The following MGMT variants were observed in gnomAD, a reference collection of about 807,000 sequenced individuals.
MGMT encodes methylated-DNA--protein-cysteine methyltransferase.
A neutral mutation model predicts 15.9 loss-of-function variants in MGMT; 14 were observed. The observed-to-expected ratio is 0.88, with a 90% CI of 0.58 to 1.37. MGMT has a LOEUF of 1.37. Ranked by LOEUF, MGMT falls within the 40% of genes most tolerant of loss-of-function variation. MGMT has a pLI of 0.00. For missense variants in MGMT, 282 were observed against 268.1 expected, an observed-to-expected ratio of 1.05 and a Z score of -0.36; for synonymous variants, 130 against 118.2, an observed-to-expected ratio of 1.10 and a Z score of -0.65.
chr10:129,683,257 G>C (rs944792288), intron 2 of MGMT, among the ~76,000 whole-genome samples: 2 of 152,220 alleles, frequency 1.3e-5, no homozygotes, highest in African/African-American at 4.8e-5. Flanking sequence ...CTGCGTAGGA[G>C]TACGGGGGCA....
chr10:129,543,394 A>G (rs1846065984), intron 2 of MGMT, among the ~76,000 whole-genome samples: 1 of 152,146 alleles, frequency 6.6e-6, no homozygotes, highest in South Asian at 2.1e-4. Context: ...TCTCTACAGC[A>G]CTGCGGAGAA....
intron 1 of MGMT, among the ~76,000 whole-genome samples, chr10:129,528,514 G>A (rs1845894680): frequency 6.6e-6 from 1 of 152,092 alleles, no homozygotes; most frequent in African/African-American, 2.4e-5. Context: ...GAGGGGCAGT[G>A]GCGGGGGGAG....
chr10:129,643,015 G>A (rs1489460967), intron 2 of MGMT, among the ~76,000 whole-genome samples: 2 of 152,204 alleles, frequency 1.3e-5, no homozygotes, highest in Admixed American at 6.5e-5. Flanking sequence ...AAGGCTGGGC[G>A]AGCGAATGTG....
At chr10:129,719,727 C>T (rs1371777814) in intron 3 of MGMT, among the ~76,000 whole-genome samples, 2 of 152,136 alleles carry the variant, frequency 1.3e-5, no homozygotes, top group African/African-American at 2.4e-5. Context: ...TCTGCTGATA[C>T]AGTTGAAATG....
chr10:129,752,526 C>A (rs1293777218), intron 3 of MGMT, among the ~76,000 whole-genome samples: 2 of 151,724 alleles, frequency 1.3e-5, no homozygotes, highest in African/African-American at 4.8e-5. Flanking sequence ...TTTGTGCCCT[C>A]TTTTTTTCCT....
chr10:129,733,355 A>T (rs61874351), intron 3 of MGMT, among the ~76,000 whole-genome samples: 63 of 152,096 alleles, frequency 4.1e-4, no homozygotes, highest in African/African-American at 1.3e-3. Flanking sequence ...ATAAATGTCT[A>T]CTTTTGAGAA....
chr10:129,691,882 A>G (rs1358001864), intron 2 of MGMT, among the ~76,000 whole-genome samples: 18 of 152,282 alleles, frequency 1.2e-4, no homozygotes, highest in East Asian at 3.9e-4. Flanking sequence ...CTCAGGTGCT[A>G]AAGTTAAAGC....
At chr10:129,509,648 G>A (rs976661324) in intron 1 of MGMT, among the ~76,000 whole-genome samples, 1 of 152,182 alleles carries the variant, frequency 6.6e-6, no homozygotes, top group Non-Finnish European at 1.5e-5. Flanking sequence ...TTAACCAGAG[G>A]TGACTTTAGA....
intron 2 of MGMT, among the ~76,000 whole-genome samples, chr10:129,692,539 T>C (rs150695589): frequency 1.7e-3 from 262 of 152,314 alleles, no homozygotes; most frequent in African/African-American, 6.0e-3. Context: ...GGAGGCATGT[T>C]GACTATGGAC....
At chr10:129,667,095 A>C (rs1847667491) in intron 2 of MGMT, among the ~76,000 whole-genome samples, 1 of 152,166 alleles carries the variant, frequency 6.6e-6, no homozygotes, top group Non-Finnish European at 1.5e-5. Context: ...TTTTGTTATA[A>C]AGATAATACA....
intron 3 of MGMT, among the ~76,000 whole-genome samples, chr10:129,752,493 A>C (rs1848760211): frequency 1.3e-5 from 2 of 151,828 alleles, no homozygotes; most frequent in South Asian, 4.2e-4. Flanking sequence ...TTAATGTTTC[A>C]ATTTAGGTCT....
rs539453048 is a variant in MGMT, at chr10:129,551,768, T to A, written c.125+15391T>A. On this transcript the variant is annotated intron_variant, in intron 2 of 4. Transcript: ENST00000651593. ...AAAATATCAAACCAGCACCAGAAAC[T>A]CTTCAGCAGACCGGTGGAACATGCC... is the stretch of plus-strand genomic sequence containing the variant. 7.3e-4 allele frequency among the ~76,000 whole-genome samples: 111 copies of A among 152,210 alleles called. 3 individuals are homozygous for A. In the Middle Eastern group the frequency reaches 0.014, roughly 19 times the overall value.
intron 2 of MGMT, among the ~76,000 whole-genome samples, chr10:129,674,663 ACCTTGGTGGCTTTGT>A (rs1463585397): frequency 1.3e-5 from 2 of 152,202 alleles, no homozygotes; most frequent in African/African-American, 4.8e-5. Flanking sequence ...GCATGGGAAA[ACCTTGGTGGCTTTGT>A]CCTCTGGTGA....
chr10:129,507,401 C>A (rs371926530), intron 1 of MGMT, among the ~76,000 whole-genome samples: 1 of 152,210 alleles, frequency 6.6e-6, no homozygotes, highest in Non-Finnish European at 1.5e-5. Flanking sequence ...CAGTTTGGTG[C>A]GGGCCGCCCT....
chr10:129,584,798 G>A (rs185541640), intron 2 of MGMT, among the ~76,000 whole-genome samples: 7 of 152,106 alleles, frequency 4.6e-5, no homozygotes, highest in African/African-American at 1.4e-4. Context: ...GTTGCTCCAC[G>A]CTCCAGCATG....
intron 3 of MGMT, among the ~76,000 whole-genome samples, chr10:129,753,858 TC>T (rs1193314998): frequency 1.3e-5 from 2 of 152,220 alleles, no homozygotes; most frequent in Non-Finnish European, 2.9e-5. Flanking sequence ...TTGGATTGTA[TC>T]CTGGTCATTT....
chr10:129,609,389 G>A (rs1846932698), intron 2 of MGMT, among the ~76,000 whole-genome samples: 1 of 151,908 alleles, frequency 6.6e-6, no homozygotes, highest in Admixed American at 6.6e-5. Context: ...TGATAGAGGT[G>A]GAATCTCTGG....
chr10:129,741,519 G>A (rs1010067523), intron 3 of MGMT, among the ~76,000 whole-genome samples: 1 of 152,208 alleles, frequency 6.6e-6, no homozygotes, highest in Non-Finnish European at 1.5e-5. Context: ...GACCCATGGT[G>A]GAGGTGGTGA....
intron 2 of MGMT, among the ~76,000 whole-genome samples, chr10:129,690,344 C>T (rs1847955301): frequency 6.6e-6 from 1 of 152,048 alleles, no homozygotes; most frequent in Admixed American, 6.5e-5. Flanking sequence ...TCAGTAACAC[C>T]CGTTTGCCCC....
Sources: gnomAD v4.1 joint callset for allele counts (sites outside exome capture counted in the v4.1 genomes callset) on GRCh38, gnomAD v4.1.1 for gene constraint, MANE v1.5 for transcripts, NCBI Gene and HGNC (gene_info 2026-07-23, HGNC 2026-07-21) for gene names.